SPTB: variants seen among roughly 807,000 people sequenced by gnomAD.
SPTB encodes spectrin beta chain, erythrocytic.
Under a neutral mutation model 256.2 loss-of-function variants are expected in SPTB, and 45 were observed. The observed-to-expected ratio is 0.18, with a 90% confidence interval of 0.14 to 0.23. The LOEUF is 0.23. SPTB is among the 10% of genes least tolerant of loss of function. The pLI, the probability that SPTB is intolerant of heterozygous loss-of-function variation, is 1.00. For synonymous variants in SPTB, 1,231 were observed against 1,243.1 expected, an observed-to-expected ratio of 0.99 and a Z score of 0.21; for missense variants, 2,715 against 3,040.4, an observed-to-expected ratio of 0.89 and a Z score of 2.52.
intron 2 of SPTB, among the ~76,000 whole-genome samples, chr14:64,815,265 GGGCA>G (rs1231249220): frequency 4.6e-5 from 3 of 65,174 alleles, no homozygotes; most frequent in Admixed American, 2.5e-4. Flanking sequence ...AAATGGGAAG[GGGCA>G]TCTCCCATGA....
At chr14:64,851,138 C>G (rs953687088) in intron 1 of SPTB, among the ~76,000 whole-genome samples, 3 of 152,010 alleles carry the variant, frequency 2.0e-5, no homozygotes, top group African/African-American at 7.3e-5. Context: ...GTGAGCAACA[C>G]AAAGAAAAAA....
At position 64,779,726 on chromosome 14, in the gene SPTB, G is replaced by A. The variant is rs1184164788; in HGVS notation, c.4472C>T (p.Thr1491Met). The A allele has an allele frequency of 8.1e-6, 13 of 1,613,986 alleles. No homozygotes were observed. The East Asian group carries it at 8.9e-5, about 11-fold the overall frequency. ...AGGGAGAAGCTGTGGCCCACGCACCGTCTCATCCTCTAAGTCCCGGCTGAT... is the reference window on the plus strand; with the variant it reads ...AGGGAGAAGCTGTGGCCCACGCACCATCTCATCCTCTAAGTCCCGGCTGAT... ...LQISRDLEDETLWVEERLPLA... is the reference protein window; with the variant it reads ...LQISRDLEDEMLWVEERLPLA... The change falls in exon 21 of 36, where the codon ACG becomes ATG. Residue 1491 changes from threonine (T) to methionine (M), a missense_variant and splice_region_variant. This residue lies in a region of SPTB where 2,239 missense variants were observed against 2,384.4 expected (regional missense o/e 0.94). Coordinates refer to ENST00000644917, the MANE Select transcript of SPTB (RefSeq NM_001355436.2). This position sits in a 1 kb window ranked among gnomAD's most constrained non-coding sequence, Gnocchi z 4.2.
intron 1 of SPTB, among the ~76,000 whole-genome samples, chr14:64,851,462 G>A (rs1444472433): frequency 6.6e-6 from 1 of 151,810 alleles, no homozygotes; most frequent in Non-Finnish European, 1.5e-5. Context: ...AGCAGTAGCA[G>A]TAGTAGTAGT....
rs2269308 is a variant in SPTB, at chr14:64,778,232, G to A, written c.4563+925C>T. Among the ~76,000 whole-genome samples the A allele has an allele frequency of 0.06, 9,150 of 152,262 alleles. 333 individuals carry two copies. The highest frequency in any genetic ancestry group is 0.09 in the Non-Finnish European group (6,111 of 67,994). On this transcript the variant is annotated intron_variant, in intron 22 of 35. Transcript: ENST00000644917. This position sits in a 1 kb window ranked among gnomAD's most constrained non-coding sequence, Gnocchi z 5.2. ...TGAATATAATCTAGGCCTCTGCACT[G>A]CTGCTGGGCTCACATGGTCCTGTGA...
chr14:64,813,624 C>CA (rs1300133806), intron 2 of SPTB, among the ~76,000 whole-genome samples: 2 of 152,220 alleles, frequency 1.3e-5, no homozygotes, highest in African/African-American at 4.8e-5. Context: ...TGGGTTCAAG[C>CA]AATTCTCCTG....
chr14:64,760,959 G>C lies in SPTB; in HGVS notation c.6345+5767C>G, dbSNP rs1002777103. On this transcript the variant is annotated intron_variant, in intron 32 of 35. Coordinates refer to ENST00000644917, the MANE Select transcript of SPTB (RefSeq NM_001355436.2). The surrounding 1 kb of genome is among the most constrained non-coding windows in gnomAD (Gnocchi z 4.3). ...TCACTCCAGAGGAAAGCACCTGCCCGATGGGGTTCACAGTCTAAATGAGAT... is the reference window on the plus strand; with the variant it reads ...TCACTCCAGAGGAAAGCACCTGCCCCATGGGGTTCACAGTCTAAATGAGAT... Among the ~76,000 whole-genome samples, 3 of 152,234 alleles carry C rather than the reference G, an allele frequency of 2.0e-5. No individual in the cohort carries two copies. The highest frequency in any genetic ancestry group is 4.4e-5 in the Non-Finnish European group (3 of 68,048).
At chr14:64,763,302 C>T (rs543593455) in intron 32 of SPTB, among the ~76,000 whole-genome samples, 297 of 152,350 alleles carry the variant, frequency 1.9e-3, no homozygotes, top group Non-Finnish European at 3.2e-3. Flanking sequence ...CCGAGGGCTC[C>T]CTCGCAGACC....
chr14:64,864,243 G>A (rs1470294748), intron 1 of SPTB, among the ~76,000 whole-genome samples: 2 of 151,830 alleles, frequency 1.3e-5, no homozygotes, highest in African/African-American at 4.8e-5. Context: ...GATCACTTGA[G>A]CCCAGGAGTT....
chr14:64,752,452 G>C (rs1464426864), intron 33 of SPTB: 8 of 385,170 alleles, frequency 2.1e-5, no homozygotes, highest in Middle Eastern at 6.0e-4. Flanking sequence ...TCCGCGCTCA[G>C]GGATCTTTCC....
intron 33 of SPTB, 77 bp from the exon 34 acceptor site, chr14:64,750,231 T>TA (rs1353241331): frequency 1.1e-4 from 152 of 1,429,856 alleles, no homozygotes; most frequent in Non-Finnish European, 1.3e-4. Flanking sequence ...GCTTCACCAT[T>TA]AAAAAAAATT....
At chr14:64,860,569 T>C (rs761104866) in intron 1 of SPTB, among the ~76,000 whole-genome samples, 33 of 152,070 alleles carry the variant, frequency 2.2e-4, no homozygotes, top group Admixed American at 6.5e-4. Flanking sequence ...CTCATCCATA[T>C]ATCATATATC....
rs1347124828 is a variant in SPTB, at chr14:64,748,408, C to T, written c.*898G>A. 6.6e-6 allele frequency: 1 copy of T among 152,312 alleles called. No individual in the cohort carries two copies. Among genetic ancestry groups the T allele is most frequent in the Non-Finnish European group, 1.5e-5 (1 of 68,150 alleles). 9.4% of individuals were successfully genotyped at this position (152,312 alleles called of 1,614,324 possible). On this transcript the variant is annotated 3_prime_UTR_variant, in exon 36 of 36. Coordinates refer to ENST00000644917, the MANE Select transcript of SPTB (RefSeq NM_001355436.2). ...CTGCCACTGGGAGTGGGGCGAGGGTCCCAGCATTGAGAGGGAGAGCCTTAG... is the reference window on the plus strand; with the variant it reads ...CTGCCACTGGGAGTGGGGCGAGGGTTCCAGCATTGAGAGGGAGAGCCTTAG...
intron 2 of SPTB, among the ~76,000 whole-genome samples, chr14:64,808,359 C>T (rs1457271086): frequency 6.6e-6 from 1 of 152,158 alleles, no homozygotes; most frequent in Non-Finnish European, 1.5e-5. Context: ...TGGCCATCCT[C>T]ATTCCCTGCT....
intron 1 of SPTB, among the ~76,000 whole-genome samples, chr14:64,835,466 G>A (rs924330613): frequency 1.3e-5 from 2 of 152,122 alleles, no homozygotes; most frequent in Admixed American, 6.5e-5. Context: ...GGCTGGTCTC[G>A]AACTCCTGAC....
intron 1 of SPTB, among the ~76,000 whole-genome samples, chr14:64,856,976 C>T (rs992547817): frequency 1.3e-5 from 2 of 152,176 alleles, no homozygotes; most frequent in Non-Finnish European, 2.9e-5. Flanking sequence ...TGAGTCCATG[C>T]TTTAATTTCC....
Position 64,793,737 on chromosome 14 carries a change from G to A in SPTB, c.1926C>T (p.Phe642=). The change falls in exon 14 of 36, where the codon TTC becomes TTT. Residue 642 remains phenylalanine, a synonymous_variant. Transcript: ENST00000644917. The surrounding 1 kb of genome is among the most constrained non-coding windows in gnomAD (Gnocchi z 7.0). ...QLEQSKRLWK[F]FWEMDEAESW... ...TCTCAGCCTCATCCATCTCCCAGAA[G>A]AACTTCCAGAGTCGTTTGGACTGCT... is the stretch of plus-strand genomic sequence containing the variant. 2 of 1,614,220 alleles carry A rather than the reference G, an allele frequency of 1.2e-6. No homozygotes were observed. The highest frequency in any genetic ancestry group is 1.3e-5 in the African/African-American group (1 of 75,058).
At chr14:64,855,538 A>AAGACAGGGTCTGGC (rs11270613) in intron 1 of SPTB, among the ~76,000 whole-genome samples, 1 of 151,804 alleles carries the variant, frequency 6.6e-6, no homozygotes, top group Admixed American at 6.6e-5. Context: ...ATCTTTTCAT[A>AAGACAGGGTCTGGC]TACGTTGACC....
chr14:64,829,696 C>T (rs1296240827), intron 1 of SPTB, among the ~76,000 whole-genome samples: 1 of 152,100 alleles, frequency 6.6e-6, no homozygotes, highest in Non-Finnish European at 1.5e-5. Context: ...TTTATACACG[C>T]TTGAAATTTT....
At chr14:64,817,016 T>A (rs768403757) in intron 2 of SPTB, among the ~76,000 whole-genome samples, 11 of 152,150 alleles carry the variant, frequency 7.2e-5, no homozygotes, top group Non-Finnish European at 1.6e-4. Context: ...TTAACCTCAG[T>A]GTATTAATAT....
Sources: gnomAD v4.1 joint callset for allele counts (sites outside exome capture counted in the v4.1 genomes callset) on GRCh38, gnomAD v4.1.1 for gene constraint, gnomAD v4.1.1 regional missense constraint, Gnocchi (gnomAD v3.1) non-coding constraint, MANE v1.5 for transcripts, NCBI Gene and HGNC (gene_info 2026-07-23, HGNC 2026-07-21) for gene names.